The following AVIL variants were observed in gnomAD, a reference collection of about 807,000 sequenced individuals.
The protein encoded by AVIL is advillin.
In AVIL, 78 loss-of-function variants were observed where a neutral mutation model predicts 109.9. The observed-to-expected ratio is 0.71, with a 90% CI of 0.59 to 0.86. The LOEUF (loss-of-function observed/expected upper bound fraction) is 0.86, where lower values mean the gene tolerates loss of function less well. AVIL is among the 40% of genes least tolerant of loss of function. The pLI is 0.00. For synonymous variants in AVIL, 367 were observed against 379.1 expected (o/e 0.97, Z 0.37); for missense variants, 892 against 1,016.5 (o/e 0.88, Z 1.67).
rs750678521 is a variant in AVIL at position 57,814,109 on chromosome 12, C to T, written c.141+43G>A. 4 of 1,601,462 alleles carry T rather than the reference C, an allele frequency of 2.5e-6. No individual in the cohort carries two copies. In the South Asian group the frequency reaches 4.5e-5, roughly 18 times the overall value. On this transcript the variant is annotated intron_variant, in intron 3 of 19. Transcript: ENST00000549994. ...TCTCCCAGTACAGCCCAAGAACTGG[C>T]CCCAGGGGAGAGGCTCACAGGAGTG...
At chr12:57,816,700 CTTTTTTTT>C (rs11349032) in intron 1 of AVIL, among the ~76,000 whole-genome samples, 5 of 93,494 alleles carry the variant, frequency 5.3e-5, no homozygotes, top group African/African-American at 1.2e-4. Context: ...GGCTTTTGTC[CTTTTTTTT>C]TTTTTTTTTT....
chr12:57,800,251 T>C (rs1955819821), intron 18 of AVIL: 1 of 214,832 alleles, frequency 4.7e-6, no homozygotes. Flanking sequence ...GCCCTGCATT[T>C]CCAGCCTTTA....
At chr12:57,816,106 T>C in intron 1 of AVIL, 47 bp from the exon 2 acceptor site, 1 of 1,500,592 alleles carries the variant, frequency 6.7e-7, no homozygotes, top group Non-Finnish European at 9.1e-7. Context: ...CTTGCCATAG[T>C]GGGCATCAAT....
chr12:57,811,581 T>A (rs1302059300), intron 4 of AVIL, among the ~76,000 whole-genome samples: 1 of 152,186 alleles, frequency 6.6e-6, no homozygotes, highest in Non-Finnish European at 1.5e-5. Flanking sequence ...TCACCCGCCC[T>A]GCACTCAGCC....
In AVIL at chr12:57,803,283, G is replaced by A; in HGVS notation, c.1926C>T (p.Asn642=). 1.2e-6 allele frequency: 2 copies of A among 1,614,170 alleles called. No homozygotes were observed. Among genetic ancestry groups the A allele is most frequent in the East Asian group, 2.2e-5 (1 of 44,890 alleles). The change falls in exon 16 of 20, where the codon AAC becomes AAT. Residue 642 remains asparagine, a synonymous_variant. Coordinates refer to ENST00000549994, the MANE Select transcript of AVIL (RefSeq NM_006576.4). ...TATCTAGGAGCATCACGTCAGTAGG[G>A]TTCAGGTCATCCTGGGTGAAGTCTG... ...EITDFTQDDL[N]PTDVMLLDTW...
chr12:57,807,596 G>C lies in AVIL; in HGVS notation c.1326C>G (p.Ile442Met). The C allele has an allele frequency of 6.2e-7, 1 of 1,614,248 alleles. No individual in the cohort carries two copies. Among genetic ancestry groups the C allele is most frequent in the Non-Finnish European group, 8.5e-7 (1 of 1,180,050 alleles). Residue 442 changes from isoleucine to methionine, a missense_variant, in exon 12 of 20, where the codon ATC (isoleucine) becomes ATG (methionine). Physicochemically the swap from Ile to Met is conservative, Grantham distance 10. Transcript: ENST00000549994. ...VNGKPHHILY[I>M]WQGRHASQDE... ...AAGCCTGTGCCAGGCCTACCTGCCAGATGTACAAGATGTGATGTGGCTTCC... is the reference window on the plus strand; with the variant it reads ...AAGCCTGTGCCAGGCCTACCTGCCACATGTACAAGATGTGATGTGGCTTCC...
intron 4 of AVIL, among the ~76,000 whole-genome samples, chr12:57,812,833 G>C (rs1956054457): frequency 6.6e-6 from 1 of 151,354 alleles, no homozygotes; most frequent in East Asian, 1.9e-4. Context: ...CAGTCTCCGA[G>C]TGATGGACAC....
chr12:57,815,921 A>C, intron 2 of AVIL, 54 bp downstream of exon 2: 6 of 1,612,016 alleles, frequency 3.7e-6, no homozygotes, highest in Non-Finnish European at 5.1e-6. Context: ...CCAGGCAGCC[A>C]GACTGCTTCC....
At chr12:57,802,764 A>AC (rs1192915586) in intron 16 of AVIL, 2 of 579,852 alleles carry the variant, frequency 3.4e-6, no homozygotes, top group South Asian at 2.3e-5. Flanking sequence ...TTTCCTAGAA[A>AC]CCCCCCATAT....
intron 14 of AVIL, chr12:57,804,010 TTGACATACAATTCTAA>T (rs1955902032): frequency 5.4e-6 from 1 of 185,204 alleles, no homozygotes; most frequent in African/African-American, 2.3e-5. Context: ...ATATACTCTT[TTGACATACAATTCTAA>T]GAATTTTCAC....
In AVIL at chr12:57,808,657, C is replaced by T. The variant is rs937754826; in HGVS notation, c.940-109G>A. 566 of 1,304,202 alleles carry T rather than the reference C, an allele frequency of 4.3e-4. 3 individuals carry two copies. The highest frequency in any genetic ancestry group is 1.4e-3 in the Middle Eastern group (5 of 3,682). The allele number at this position is 1,304,202 out of a possible 1,614,324, so 80.8% of individuals were successfully genotyped here. The stretch of plus-strand genomic sequence containing the variant: ...GCCACATGATATAAGCGTCTCCCCT[C>T]TGGGAGTCAGAGTCAAATTCTAACT... On this transcript the variant is annotated intron_variant, in intron 9 of 19. Transcript: ENST00000549994.
rs551999595 is a variant in AVIL at position 57,800,036 on chromosome 12, T to G, written c.2221-116A>C. ...ACTTATGCCACTTCACCCTCTGTAA[T>G]CATCTTTGATAACAATGCTCCCCAA... On this transcript the variant is annotated intron_variant, in intron 18 of 19. Transcript: ENST00000549994. 2.4e-4 allele frequency: 322 copies of G among 1,336,638 alleles called. 2 individuals are homozygous for G. The South Asian group carries it at 4.2e-3, about 17-fold the overall frequency. 82.8% of individuals were successfully genotyped at this position (1,336,638 alleles called of 1,614,324 possible).
intron 12 of AVIL, 44 bp downstream of exon 12, chr12:57,807,546 G>C: frequency 1.9e-6 from 3 of 1,614,260 alleles, no homozygotes; most frequent in Non-Finnish European, 2.5e-6. Context: ...CCAGTGGCCA[G>C]AGGACACATC....
intron 19 of AVIL, among the ~76,000 whole-genome samples, chr12:57,799,260 G>T (rs1306427193): frequency 1.3e-5 from 2 of 152,186 alleles, no homozygotes; most frequent in Non-Finnish European, 2.9e-5. Flanking sequence ...AAGTGTAAAG[G>T]CTCAAAGGCT....
intron 14 of AVIL, among the ~76,000 whole-genome samples, chr12:57,804,861 G>C (rs1317283141): frequency 6.6e-6 from 1 of 151,664 alleles, no homozygotes; most frequent in Non-Finnish European, 1.5e-5. Flanking sequence ...TCCAGAAGCT[G>C]TACCATTTGC....
chr12:57,810,735 A>G, intron 6 of AVIL, 81 bp downstream of exon 6: 3 of 1,498,610 alleles, frequency 2.0e-6, no homozygotes, highest in African/African-American at 1.4e-5. Context: ...GCAGGGCTCC[A>G]CCTTGATTCT....
rs1595160939 is a variant in AVIL, at chr12:57,803,631, C to G, written c.1710G>C (p.Leu570=). 2 of 1,614,188 alleles carry G rather than the reference C, an allele frequency of 1.2e-6. No individual in the cohort carries two copies. The highest frequency in any genetic ancestry group is 1.7e-6 in the Non-Finnish European group (2 of 1,180,034). ...CGCTGCCATCACAGAGAAGGCTGGC[C>G]AGCTCCTTAGCCATTGCCCGCTCAT... The part of the protein sequence containing the change: ...SGDERAMAKE[L]ASLLCDGSEN... Residue 570 remains leucine (L), a synonymous_variant, in exon 15 of 20, where the codon CTG becomes CTC. Coordinates refer to ENST00000549994, the MANE Select transcript of AVIL (RefSeq NM_006576.4).
At chr12:57,817,369 G>A (rs532541383) in intron 1 of AVIL, among the ~76,000 whole-genome samples, 2 of 150,088 alleles carry the variant, frequency 1.3e-5, no homozygotes, top group Non-Finnish European at 3.0e-5. Flanking sequence ...GCGCCATCTA[G>A]TATGGACTTT....
intron 1 of AVIL, among the ~76,000 whole-genome samples, chr12:57,816,890 T>A (rs146850643): frequency 2.6e-5 from 4 of 152,140 alleles, no homozygotes; most frequent in African/African-American, 7.2e-5. Context: ...GACAGATGGC[T>A]TCCTTTTTCC....
Sources: gnomAD v4.1 joint callset for allele counts (sites outside exome capture counted in the v4.1 genomes callset) on GRCh38, gnomAD v4.1.1 for gene constraint, MANE v1.5 for transcripts, NCBI Gene and HGNC (gene_info 2026-07-23, HGNC 2026-07-21) for gene names.